SAMMSON: variants seen among roughly 807,000 people sequenced by gnomAD.
SAMMSON encodes the protein long intergenic non-protein coding RNA 1212.
intron 4 of SAMMSON, among the ~76,000 whole-genome samples, chr3:70,156,255 C>A (rs1444415169): frequency 6.6e-6 from 1 of 152,046 alleles, no homozygotes; most frequent in Non-Finnish European, 1.5e-5. Context: ...AGAGGAAATA[C>A]AATGAACATA....
At chr3:70,425,861 A>G (rs1002508328) in intron 2 of SAMMSON, among the ~76,000 whole-genome samples, 1 of 152,202 alleles carries the variant, frequency 6.6e-6, no homozygotes, top group African/African-American at 2.4e-5. Flanking sequence ...GAAAGGAAAC[A>G]TTTCTAGTAA....
chr3:70,232,958 G>A (rs1701575076), intron 4 of SAMMSON, among the ~76,000 whole-genome samples: 1 of 152,120 alleles, frequency 6.6e-6, no homozygotes, highest in Admixed American at 6.5e-5. Context: ...GAAGGCCAAG[G>A]GAGGCAGATC....
chr3:70,201,725 A>G (rs749127863), intron 4 of SAMMSON, among the ~76,000 whole-genome samples: 10 of 152,148 alleles, frequency 6.6e-5, no homozygotes, highest in African/African-American at 1.4e-4. Flanking sequence ...CTTCTGACAC[A>G]CTTGAGCATG....
At chr3:70,401,537 A>T (rs1017490289) in intron 2 of SAMMSON, among the ~76,000 whole-genome samples, 6 of 152,222 alleles carry the variant, frequency 3.9e-5, no homozygotes, top group Non-Finnish European at 7.3e-5. Context: ...AGTACAAATC[A>T]ATTTATTTTT....
At chr3:70,303,762 A>T (rs1702373114) in intron 7 of SAMMSON, among the ~76,000 whole-genome samples, 1 of 151,944 alleles carries the variant, frequency 6.6e-6, no homozygotes, top group East Asian at 1.9e-4. Context: ...GCTCACTGCA[A>T]CCTCCGCCTC....
rs189316963 is a variant in SAMMSON, at chr3:70,308,245, T to A, written n.739+17002T>A. 2.4e-3 allele frequency among the ~76,000 whole-genome samples: 359 copies of A among 152,138 alleles called. 3 individuals carry two copies. The highest frequency in any genetic ancestry group is 7.9e-3 in the African/African-American group (328 of 41,524). ...TTATTTTTTTGTTTTTATTTTATTT[T>A]TTTTTTGTAGAGATGGTATCTCACC... is the stretch of plus-strand genomic sequence containing the variant. On this transcript the variant is annotated intron_variant and non_coding_transcript_variant, in intron 7 of 9. Coordinates refer to ENST00000642114, the Ensembl canonical transcript of SAMMSON.
intron 2 of SAMMSON, among the ~76,000 whole-genome samples, chr3:70,395,898 G>A (rs147162580): frequency 6.6e-6 from 1 of 152,208 alleles, no homozygotes; most frequent in Admixed American, 6.5e-5. Context: ...CAGACAACCT[G>A]GGTCTGAACC....
chr3:70,045,029 A>ACTT (rs1559779661), intron 3 of SAMMSON, among the ~76,000 whole-genome samples: 39 of 124,498 alleles, frequency 3.1e-4, no homozygotes, highest in African/African-American at 1.3e-3. Context: ...TAATTATAAT[A>ACTT]TATATTATAA....
At chr3:70,275,141 A>G (rs1392430388) in intron 6 of SAMMSON, among the ~76,000 whole-genome samples, 1 of 152,192 alleles carries the variant, frequency 6.6e-6, no homozygotes, top group African/African-American at 2.4e-5. Flanking sequence ...AGTTATTTAA[A>G]TATTAGAATT....
intron 6 of SAMMSON, among the ~76,000 whole-genome samples, chr3:70,276,932 C>G (rs1702032828): frequency 6.6e-6 from 1 of 152,076 alleles, no homozygotes; most frequent in African/African-American, 2.4e-5. Flanking sequence ...GAAATCCTCA[C>G]ATTAATAAAG....
At chr3:70,290,232 G>T (rs2106691738) in intron 6 of SAMMSON, among the ~76,000 whole-genome samples, 1 of 152,246 alleles carries the variant, frequency 6.6e-6, no homozygotes, top group Non-Finnish European at 1.5e-5. Flanking sequence ...GTACAGATGG[G>T]TTTTTGGTGT....
chr3:70,425,823 A>G (rs1701361343), intron 2 of SAMMSON, among the ~76,000 whole-genome samples: 1 of 152,200 alleles, frequency 6.6e-6, no homozygotes, highest in African/African-American at 2.4e-5. Flanking sequence ...CAGGAAGAGT[A>G]TCACTAAAAT....
chr3:70,338,230 A>C (rs1702681719), intron 7 of SAMMSON, among the ~76,000 whole-genome samples: 1 of 152,018 alleles, frequency 6.6e-6, no homozygotes, highest in African/African-American at 2.4e-5. Context: ...ATTTTCTCAT[A>C]ATCATAATTA....
At chr3:70,012,521 A>G (rs1217366843) in exon 2 of SAMMSON, 1 of 152,210 alleles carries the variant, frequency 6.6e-6, no homozygotes, top group Non-Finnish European at 1.5e-5. Flanking sequence ...AGGCAAGGAA[A>G]CAAATTTTCC....
At chr3:70,053,701 T>A (rs2067155382) in intron 3 of SAMMSON, among the ~76,000 whole-genome samples, 1 of 152,138 alleles carries the variant, frequency 6.6e-6, no homozygotes, top group Admixed American at 6.6e-5. Context: ...AACAGACCCT[T>A]CCAGGTTTCC....
intron 4 of SAMMSON, chr3:70,072,703 CAG>C (rs2067235120): frequency 1.6e-5 from 2 of 127,854 alleles, no homozygotes; most frequent in African/African-American, 5.9e-5. Context: ...CAGTACAAAA[CAG>C]GTGTTTGATG....
chr3:70,003,867 G>T (rs2066915668), intron 1 of SAMMSON, among the ~76,000 whole-genome samples: 1 of 151,640 alleles, frequency 6.6e-6, no homozygotes, highest in Non-Finnish European at 1.5e-5. Flanking sequence ...CTTTATTTTG[G>T]CTTCATTGGG....
At chr3:70,247,378 T>A (rs1701717198) in intron 4 of SAMMSON, among the ~76,000 whole-genome samples, 1 of 151,920 alleles carries the variant, frequency 6.6e-6, no homozygotes, top group African/African-American at 2.4e-5. Flanking sequence ...AGAGAGTTAG[T>A]GAATAATTTT....
chr3:70,035,113 G>C (rs571561694), intron 3 of SAMMSON, among the ~76,000 whole-genome samples: 63 of 152,160 alleles, frequency 4.1e-4, no homozygotes, highest in African/African-American at 1.3e-3. Flanking sequence ...TTATGTGAAG[G>C]GGGGGATTCA....
Sources: gnomAD v4.1 joint callset for allele counts (sites outside exome capture counted in the v4.1 genomes callset) on GRCh38, gnomAD v4.1.1 for gene constraint, MANE v1.5 for transcripts, NCBI Gene and HGNC (gene_info 2026-07-23, HGNC 2026-07-21) for gene names.